The following NELL2 variants were observed in gnomAD, a reference collection of about 807,000 sequenced individuals.
NELL2 encodes the protein protein kinase C-binding protein NELL2.
Under a neutral mutation model 109.6 loss-of-function variants are expected in NELL2, and 41 were observed. That is an observed-to-expected ratio of 0.37 (90% confidence interval 0.29 to 0.49). NELL2 has a LOEUF of 0.49. NELL2 is among the 20% of genes least tolerant of loss of function. The probability of loss-of-function intolerance (pLI) is 0.98; values close to 1 mark genes in which losing one functional copy is unlikely to be tolerated. For synonymous variants in NELL2, 355 were observed against 344.7 expected (o/e 1.03, Z -0.33); for missense variants, 900 against 1,008.3 (o/e 0.89, Z 1.45).
intron 15 of NELL2, among the ~76,000 whole-genome samples, chr12:44,555,858 T>G (rs1239364452): frequency 2.0e-5 from 3 of 152,086 alleles, no homozygotes; most frequent in Non-Finnish European, 4.4e-5. Context: ...CCTTATTTTA[T>G]CAGTGGGGGA....
intron 2 of NELL2, among the ~76,000 whole-genome samples, chr12:44,834,597 G>A (rs564172208): frequency 2.0e-5 from 3 of 152,152 alleles, no homozygotes; most frequent in Non-Finnish European, 4.4e-5. Context: ...TAAATACTGC[G>A]CAGGGCAGGG....
chr12:44,658,142 T>C (rs1360924219), intron 13 of NELL2, among the ~76,000 whole-genome samples: 1 of 152,220 alleles, frequency 6.6e-6, no homozygotes. Context: ...CCACCATCTG[T>C]TGTTTCCTGA....
intron 9 of NELL2, among the ~76,000 whole-genome samples, chr12:44,727,969 C>T (rs1939169170): frequency 6.6e-6 from 1 of 151,872 alleles, no homozygotes; most frequent in South Asian, 2.1e-4. Flanking sequence ...ATGAATTTCC[C>T]CTCAGCCACA....
Position 44,676,938 on chromosome 12 carries a change from G to A in NELL2, c.1319-11329C>T, listed in dbSNP as rs554916078. ...CCTGAATGAAACAGATGCAGTATCT[G>A]TCTTTGCAGAGCTTAGGATCTGACA... On this transcript the variant is annotated intron_variant, in intron 12 of 19. Transcript: ENST00000429094. Among the ~76,000 whole-genome samples, 4 of 152,224 alleles carry A rather than the reference G, an allele frequency of 2.6e-5. 1 individual carries two copies. In the South Asian group the frequency reaches 8.3e-4, roughly 32 times the overall value.
intron 9 of NELL2, among the ~76,000 whole-genome samples, chr12:44,729,431 A>T (rs990178391): frequency 6.6e-6 from 1 of 152,160 alleles, no homozygotes; most frequent in Non-Finnish European, 1.5e-5. Context: ...ACAACAAAGG[A>T]GAAAAAGCAG....
chr12:44,614,118 A>G (rs1347024060), intron 13 of NELL2, among the ~76,000 whole-genome samples: 1 of 152,048 alleles, frequency 6.6e-6, no homozygotes, highest in Non-Finnish European at 1.5e-5. Flanking sequence ...TGGAATATCC[A>G]ATCTATAAGA....
At chr12:44,526,890 G>A (rs1214239052) in intron 16 of NELL2, among the ~76,000 whole-genome samples, 1 of 152,134 alleles carries the variant, frequency 6.6e-6, no homozygotes, top group Non-Finnish European at 1.5e-5. Flanking sequence ...CAAAATGTGG[G>A]TTTGATGCAG....
chr12:44,784,900 T>C (rs1459608826), intron 3 of NELL2, among the ~76,000 whole-genome samples: 1 of 152,074 alleles, frequency 6.6e-6, no homozygotes, highest in Non-Finnish European at 1.5e-5. Context: ...TAAGAACTAT[T>C]TATGACAAAC....
At chr12:44,885,066 G>C (rs534982976) in intron 1 of NELL2, among the ~76,000 whole-genome samples, 3 of 151,972 alleles carry the variant, frequency 2.0e-5, no homozygotes, top group African/African-American at 7.3e-5. Context: ...ATCACCTGAG[G>C]TCAGGAGTTC....
intron 13 of NELL2, among the ~76,000 whole-genome samples, chr12:44,634,947 T>G (rs1402629195): frequency 6.6e-6 from 1 of 152,292 alleles, no homozygotes; most frequent in Non-Finnish European, 1.5e-5. Context: ...GCAAAGAACA[T>G]GAACTCATCC....
chr12:44,785,832 A>G (rs1190906207), intron 3 of NELL2, among the ~76,000 whole-genome samples: 1 of 152,244 alleles, frequency 6.6e-6, no homozygotes, highest in Non-Finnish European at 1.5e-5. Flanking sequence ...CCATAGGCAG[A>G]AAACTGAAAC....
chr12:44,846,986 T>A (rs948568713), intron 2 of NELL2, among the ~76,000 whole-genome samples: 14 of 152,228 alleles, frequency 9.2e-5, no homozygotes, highest in African/African-American at 3.4e-4. Context: ...CTTTTTAAGC[T>A]CACTTGTGGG....
chr12:44,745,678 C>T (rs145266522), intron 9 of NELL2, among the ~76,000 whole-genome samples: 1 of 151,772 alleles, frequency 6.6e-6, no homozygotes, highest in Non-Finnish European at 1.5e-5. Flanking sequence ...GCCAAATCTC[C>T]AGTGAACTCC....
At chr12:44,590,052 T>C (rs1047248926) in intron 15 of NELL2, among the ~76,000 whole-genome samples, 2 of 152,118 alleles carry the variant, frequency 1.3e-5, no homozygotes, top group African/African-American at 4.8e-5. Context: ...ATCACCCTAA[T>C]CCAATTTATA....
intron 13 of NELL2, 63 bp downstream of exon 13, chr12:44,665,417 CAAAG>C: frequency 7.0e-7 from 1 of 1,420,496 alleles, no homozygotes; most frequent in Non-Finnish European, 9.5e-7. Flanking sequence ...AAATGAGAGT[CAAAG>C]AAATTTTTAA....
intron 12 of NELL2, among the ~76,000 whole-genome samples, chr12:44,700,919 G>A (rs935066402): frequency 7.9e-5 from 12 of 152,020 alleles, no homozygotes; most frequent in African/African-American, 2.7e-4. Flanking sequence ...TGATAACCAT[G>A]ATCAGGAAAA....
chr12:44,876,700 C>T (rs1945337970), upstream of NELL2: 1 of 1,549,690 alleles, frequency 6.5e-7, no homozygotes, highest in Non-Finnish European at 8.7e-7. Flanking sequence ...GCTCGCCTGC[C>T]CTTTAAGCAA....
chr12:44,783,480 G>A (rs1942041485), intron 3 of NELL2, among the ~76,000 whole-genome samples: 1 of 151,766 alleles, frequency 6.6e-6, no homozygotes, highest in Admixed American at 6.6e-5. Flanking sequence ...GAAGAAAAAA[G>A]AGAAAAGATA....
chr12:44,847,286 T>C (rs1179388702), intron 2 of NELL2, among the ~76,000 whole-genome samples: 2 of 152,196 alleles, frequency 1.3e-5, no homozygotes, highest in Admixed American at 1.3e-4. Context: ...ATTAGATTAT[T>C]ATCTGTCTTA....
Sources: gnomAD v4.1 joint callset for allele counts (sites outside exome capture counted in the v4.1 genomes callset) on GRCh38, gnomAD v4.1.1 for gene constraint, MANE v1.5 for transcripts, NCBI Gene and HGNC (gene_info 2026-07-23, HGNC 2026-07-21) for gene names.